Variants in TDRD9 observed in about 807,000 individuals in gnomAD.
TDRD9 encodes the protein tudor domain containing 9.
Under a neutral mutation model 172.6 loss-of-function variants are expected in TDRD9, and 124 were observed. That is an observed-to-expected ratio of 0.72 (90% confidence interval 0.62 to 0.83). The LOEUF is 0.83. Ranked by LOEUF, TDRD9 falls within the 40% of genes least tolerant of loss-of-function variation. The probability of loss-of-function intolerance (pLI) is 0.00; values close to 1 mark genes in which losing one functional copy is unlikely to be tolerated. For missense variants in TDRD9, 1,479 were observed against 1,714.1 expected, an observed-to-expected ratio of 0.86 and a Z score of 2.42; for synonymous variants, 619 against 617.1, an observed-to-expected ratio of 1.00 and a Z score of -0.05.
At chr14:104,014,978 T>A in intron 21 of TDRD9, 137 bp downstream of exon 21, 1 of 491,218 alleles carries the variant, frequency 2.0e-6, no homozygotes, top group South Asian at 3.5e-5. Flanking sequence ...GTGTTCATAC[T>A]GCGTTTGGGA....
Position 104,049,618 on chromosome 14 carries a change from C to G in TDRD9, c.3985C>G (p.Gln1329Glu). 1 of 1,573,560 alleles carries G rather than the reference C, an allele frequency of 6.4e-7. No individual in the cohort carries two copies. The highest frequency in any genetic ancestry group is 8.6e-7 in the Non-Finnish European group (1 of 1,159,772). The change falls in exon 35 of 36, where the codon CAG (glutamine) becomes GAG (glutamate). Residue 1329 changes from glutamine to glutamate, a missense_variant. Physicochemically the swap from Gln to Glu is conservative, Grantham distance 29 (BLOSUM62 2). Around this residue, in one of 3 missense-constraint regions of TDRD9, gnomAD observed 1,413 missense variants for 1,649.1 expected, o/e 0.86. Transcript: ENST00000409874. ...TTTTTTTTAAATTAGTTTGTTCTGTCAGTCAAAACCAAGGGAGAAGATTGT... is the reference window on the plus strand; with the variant it reads ...TTTTTTTTAAATTAGTTTGTTCTGTGAGTCAAAACCAAGGGAGAAGATTGT... The part of the protein sequence containing the change: ...ARQKLLGLFC[Q>E]SKPREKIVPK...
chr14:103,951,846 A>G (rs1345685448), intron 1 of TDRD9, among the ~76,000 whole-genome samples: 2 of 151,014 alleles, frequency 1.3e-5, no homozygotes, highest in African/African-American at 4.9e-5. Context: ...GGCTCACTGC[A>G]AGCTCCGCCT....
chr14:103,998,516 ATTCTTAAG>A lies in TDRD9; in HGVS notation c.1379-107_1379-100del, dbSNP rs974271006. 4 of 715,222 alleles carry A rather than the reference ATTCTTAAG, an allele frequency of 5.6e-6. No individual in the cohort carries two copies. The African/African-American group carries it at 7.1e-5, about 13-fold the overall frequency. 44.3% of individuals were successfully genotyped at this position (715,222 alleles called of 1,614,324 possible). ...GCCAAACGTTTCTGCCTGTTCACTA[ATTCTTAAG>A]GCTGCATGTTTCAAATGGCTTTATC... On this transcript the variant is annotated intron_variant, in intron 12 of 35. Transcript: ENST00000409874.
chr14:104,050,780 T>C (rs1048172371), intron 35 of TDRD9, among the ~76,000 whole-genome samples: 1 of 152,166 alleles, frequency 6.6e-6, no homozygotes, highest in Non-Finnish European at 1.5e-5. Context: ...CAGGCTCGGT[T>C]GGAGTGTCTG....
intron 1 of TDRD9, among the ~76,000 whole-genome samples, chr14:103,946,389 T>C (rs1302934930): frequency 6.6e-6 from 1 of 152,150 alleles, no homozygotes; most frequent in Non-Finnish European, 1.5e-5. Context: ...AAACTAGAAA[T>C]AGAAGGAAAC....
chr14:104,049,462 T>C, intron 34 of TDRD9, 146 bp from the exon 35 acceptor site: 1 of 596,870 alleles, frequency 1.7e-6, no homozygotes, highest in Non-Finnish European at 2.8e-6. Flanking sequence ...TTTCTGATCA[T>C]AACTGCATAA....
At chr14:103,985,734 G>A (rs547065474) in intron 7 of TDRD9, among the ~76,000 whole-genome samples, 2 of 152,324 alleles carry the variant, frequency 1.3e-5, no homozygotes, top group East Asian at 3.9e-4. Context: ...CACATTGGTA[G>A]ATACGGATGT....
rs573248541 is a variant in TDRD9, at chr14:103,945,936, A to AT, written c.216-9723dup. ...AGCACTTGATTGCAATCAAAGAAGG[A>AT]TTTTTCATTGTGGGAAGACTCATAT... On this transcript the variant is annotated intron_variant, in intron 1 of 35. Coordinates refer to ENST00000409874, the MANE Select transcript of TDRD9 (RefSeq NM_153046.3). Among the ~76,000 whole-genome samples the AT allele has an allele frequency of 3.0e-4, 46 of 150,974 alleles. No individual in the cohort carries two copies. The East Asian group carries it at 4.6e-3, about 15-fold the overall frequency.
At chr14:104,007,808 C>T (rs558867168) in intron 19 of TDRD9, among the ~76,000 whole-genome samples, 108 of 151,636 alleles carry the variant, frequency 7.1e-4, no homozygotes, top group Middle Eastern at 3.4e-3. Context: ...GACGGAGTCT[C>T]GGTCTGTCGC....
At chr14:104,035,179 G>C (rs1196507017) in intron 32 of TDRD9, 123 bp downstream of exon 32, 7 of 683,498 alleles carry the variant, frequency 1.0e-5, no homozygotes, top group Admixed American at 2.6e-5. Context: ...GGCACGTCTC[G>C]CTGCTTGGGG....
chr14:104,033,259 A>G (rs1383086737), intron 30 of TDRD9, among the ~76,000 whole-genome samples: 1 of 152,250 alleles, frequency 6.6e-6, no homozygotes, highest in Non-Finnish European at 1.5e-5. Context: ...ATGAGCCTGC[A>G]TTTTCACAAG....
At position 104,024,558 on chromosome 14, in the gene TDRD9, G is replaced by T; in HGVS notation, c.2607-11G>T. 1 of 1,515,546 alleles carries T rather than the reference G, an allele frequency of 6.6e-7. No individual in the cohort carries two copies. The highest frequency in any genetic ancestry group is 9.0e-7 in the Non-Finnish European group (1 of 1,110,788). 93.9% of individuals were successfully genotyped at this position (1,515,546 alleles called of 1,614,324 possible). On this transcript the variant is annotated splice_polypyrimidine_tract_variant and intron_variant, in intron 24 of 35. Transcript: ENST00000409874. The stretch of plus-strand genomic sequence containing the variant: ...TTGATTTTTATTTTAATAAAAATTC[G>T]TATTATGTAGGGTGAATGTGGACTT...
chr14:103,975,277 C>G, intron 6 of TDRD9, 112 bp from the exon 7 acceptor site: 1 of 1,001,634 alleles, frequency 1.0e-6, no homozygotes, highest in Non-Finnish European at 1.4e-6. Flanking sequence ...TGTTTAAAGT[C>G]TCAAAAGTTG....
At chr14:103,990,039 G>A (rs1258695002) in intron 8 of TDRD9, among the ~76,000 whole-genome samples, 1 of 152,184 alleles carries the variant, frequency 6.6e-6, no homozygotes, top group Non-Finnish European at 1.5e-5. Flanking sequence ...CAACCTCATG[G>A]CCATGTCTCC....
chr14:104,000,288 C>T (rs1026894061), intron 13 of TDRD9, among the ~76,000 whole-genome samples: 2 of 142,696 alleles, frequency 1.4e-5, no homozygotes, highest in African/African-American at 5.5e-5. Context: ...AGATCGCACA[C>T]ACTGTACTCC....
Position 103,980,799 on chromosome 14 carries a change from G to GTCCA in TDRD9, c.1011+5246_1011+5247insTCCA, listed in dbSNP as rs2033443516. On this transcript the variant is annotated intron_variant, in intron 7 of 35. Coordinates refer to ENST00000409874, the MANE Select transcript of TDRD9 (RefSeq NM_153046.3). This position sits in a 1 kb window ranked among gnomAD's most constrained non-coding sequence, Gnocchi z 4.5. Reference sequence around the variant, plus strand: ...GGCAACGGGCGTCTTCCCAGATGCTGGCATTACTGCTAGACCAAGGAGCCC... The same window carrying GTCCA: ...GGCAACGGGCGTCTTCCCAGATGCTGTCCAGCATTACTGCTAGACCAAGGAGCCC... Among the ~76,000 whole-genome samples, 1 of 152,132 alleles carries GTCCA rather than the reference G, an allele frequency of 6.6e-6. No individual in the cohort carries two copies. Among genetic ancestry groups the GTCCA allele is most frequent in the African/African-American group, 2.4e-5 (1 of 41,426 alleles).
intron 34 of TDRD9, among the ~76,000 whole-genome samples, chr14:104,047,177 T>A (rs2035805806): frequency 6.6e-6 from 1 of 152,250 alleles, no homozygotes; most frequent in Non-Finnish European, 1.5e-5. Flanking sequence ...TTAATACTGT[T>A]TTAGAATTTT....
chr14:104,006,582 TG>T (rs756994656), intron 16 of TDRD9, 28 bp downstream of exon 16: 1 of 1,612,072 alleles, frequency 6.2e-7, no homozygotes, highest in Non-Finnish European at 8.5e-7. Context: ...TAAATGCTAA[TG>T]GGAAGTTTAT....
At chr14:104,008,668 C>A (rs1374601944) in intron 20 of TDRD9, among the ~76,000 whole-genome samples, 1 of 152,106 alleles carries the variant, frequency 6.6e-6, no homozygotes, top group African/African-American at 2.4e-5. Context: ...ATAAATACTC[C>A]TTTTCCAGTT....
Sources: allele counts gnomAD v4.1 joint callset (sites outside exome capture counted in the v4.1 genomes callset), GRCh38; gene constraint gnomAD v4.1.1; regional missense constraint gnomAD v4.1.1; non-coding constraint Gnocchi (gnomAD v3.1); transcripts MANE v1.5; gene names NCBI Gene and HGNC (gene_info 2026-07-23, HGNC 2026-07-21).